MCUB: variants seen among roughly 807,000 people sequenced by gnomAD.
MCUB encodes the protein mitochondrial calcium uniporter dominant negative subunit beta.
A neutral mutation model predicts 41.4 loss-of-function variants in MCUB; 46 were observed. That is an observed-to-expected ratio of 1.11 (90% CI 0.88 to 1.42). MCUB has a LOEUF of 1.42. MCUB is among the 40% of genes most tolerant of loss of function. The pLI, the probability that MCUB is intolerant of heterozygous loss-of-function variation, is 0.00. For synonymous variants in MCUB, 148 were observed against 148.2 expected, an observed-to-expected ratio of 1.00 and a Z score of 0.01; for missense variants, 403 against 404.9, an observed-to-expected ratio of 1.00 and a Z score of 0.04.
intron 1 of MCUB, among the ~76,000 whole-genome samples, chr4:109,645,240 G>T (rs934115762): frequency 1.1e-4 from 16 of 152,112 alleles, no homozygotes; most frequent in South Asian, 4.2e-4. Flanking sequence ...AAATCAACTG[G>T]TAGAGGTTGT....
intron 1 of MCUB, among the ~76,000 whole-genome samples, chr4:109,575,058 A>G (rs1726996793): frequency 6.6e-6 from 1 of 152,222 alleles, no homozygotes; most frequent in Non-Finnish European, 1.5e-5. Context: ...CGCAGGTCAG[A>G]ATGGAAGCTG....
chr4:109,597,798 C>T (rs530158215), intron 1 of MCUB, among the ~76,000 whole-genome samples: 21 of 150,800 alleles, frequency 1.4e-4, no homozygotes, highest in Non-Finnish European at 2.4e-4. Flanking sequence ...ACTTCTCAGA[C>T]GGGGCAGCTG....
At chr4:109,573,663 A>G (rs1258498241) in intron 1 of MCUB, among the ~76,000 whole-genome samples, 1 of 152,080 alleles carries the variant, frequency 6.6e-6, no homozygotes, top group Non-Finnish European at 1.5e-5. Context: ...TTGAAGAGAA[A>G]TGCAGCATCT....
chr4:109,633,119 A>T (rs1728511621), intron 1 of MCUB, among the ~76,000 whole-genome samples: 1 of 152,258 alleles, frequency 6.6e-6, no homozygotes, highest in Admixed American at 6.5e-5. Context: ...AAGGGATCCA[A>T]AATGAAATGT....
At chr4:109,573,895 CAG>C (rs1726970650) in intron 1 of MCUB, among the ~76,000 whole-genome samples, 1 of 113,398 alleles carries the variant, frequency 8.8e-6, no homozygotes, top group African/African-American at 3.7e-5. Context: ...TTTTTTGAGA[CAG>C]AGTTTCGCTC....
intron 1 of MCUB, among the ~76,000 whole-genome samples, chr4:109,560,649 G>T (rs374649885): frequency 6.6e-6 from 1 of 152,198 alleles, no homozygotes; most frequent in Non-Finnish European, 1.5e-5. Context: ...TCCGGGCCCG[G>T]GGAAGGTGAA....
chr4:109,564,582 T>C (rs1726729506), intron 1 of MCUB, among the ~76,000 whole-genome samples: 1 of 152,242 alleles, frequency 6.6e-6, no homozygotes, highest in Admixed American at 6.5e-5. Flanking sequence ...TCATCAATAT[T>C]GTGAATCCTG....
chr4:109,685,459 A>C lies in MCUB; in HGVS notation c.933+92A>C, dbSNP rs975053885. 26 of 604,464 alleles carry C rather than the reference A, an allele frequency of 4.3e-5. No homozygotes were observed. The Admixed American group carries it at 6.6e-4, about 15-fold the overall frequency. The allele number at this position is 604,464 out of a possible 1,614,324, so 37.4% of individuals were successfully genotyped here. On this transcript the variant is annotated intron_variant, in intron 7 of 7. Transcript: ENST00000394650. ...ACTGGTGGCTCATCCTCACAAATTA[A>C]ATCTTGGTCCTAGATTTCTGTGTGT... is the stretch of plus-strand genomic sequence containing the variant.
At chr4:109,612,071 A>G (rs1728019383) in intron 1 of MCUB, among the ~76,000 whole-genome samples, 2 of 152,168 alleles carry the variant, frequency 1.3e-5, no homozygotes, top group Admixed American at 6.5e-5. Flanking sequence ...GTAACAAAAT[A>G]TAGATGGGGT....
intron 1 of MCUB, among the ~76,000 whole-genome samples, chr4:109,612,835 G>A (rs562010312): frequency 6.7e-4 from 102 of 152,222 alleles, no homozygotes; most frequent in Middle Eastern, 3.4e-3. Context: ...GGCCGGGTGC[G>A]GTGTCTCACG....
At chr4:109,600,867 T>C (rs1727715370) in intron 1 of MCUB, among the ~76,000 whole-genome samples, 1 of 152,158 alleles carries the variant, frequency 6.6e-6, no homozygotes, top group South Asian at 2.1e-4. Context: ...TAATCTCAGC[T>C]CACTGCAACC....
intron 1 of MCUB, among the ~76,000 whole-genome samples, chr4:109,605,892 A>C (rs1727858386): frequency 6.6e-6 from 1 of 151,414 alleles, no homozygotes; most frequent in Admixed American, 6.6e-5. Flanking sequence ...TCATCCCTTT[A>C]TTTTCAGTCT....
intron 1 of MCUB, among the ~76,000 whole-genome samples, chr4:109,603,850 G>A (rs968534187): frequency 6.6e-6 from 1 of 152,040 alleles, no homozygotes; most frequent in Admixed American, 6.5e-5. Context: ...GAAGTGAGGA[G>A]CCTCTCTGCC....
chr4:109,591,945 C>T (rs1727445942), intron 1 of MCUB, among the ~76,000 whole-genome samples: 1 of 152,120 alleles, frequency 6.6e-6, no homozygotes, highest in African/African-American at 2.4e-5. Context: ...GGTGATCCAC[C>T]TGCCTCAGCC....
chr4:109,666,880 A>C (rs1693769156), intron 4 of MCUB, among the ~76,000 whole-genome samples: 1 of 152,162 alleles, frequency 6.6e-6, no homozygotes, highest in Non-Finnish European at 1.5e-5. Flanking sequence ...GTCTGTTGAT[A>C]TGATGGATTA....
intron 1 of MCUB, among the ~76,000 whole-genome samples, chr4:109,579,848 A>G (rs1171350789): frequency 3.3e-5 from 5 of 152,208 alleles, no homozygotes; most frequent in Non-Finnish European, 5.9e-5. Flanking sequence ...GAGAAGAAAT[A>G]ATGAACCAAA....
At chr4:109,628,308 A>G (rs980691885) in intron 1 of MCUB, among the ~76,000 whole-genome samples, 1 of 152,240 alleles carries the variant, frequency 6.6e-6, no homozygotes, top group Non-Finnish European at 1.5e-5. Flanking sequence ...CGAAGGAAAG[A>G]GAAACAGAAG....
intron 1 of MCUB, among the ~76,000 whole-genome samples, chr4:109,617,637 T>C (rs1335353387): frequency 6.6e-6 from 1 of 152,222 alleles, no homozygotes; most frequent in East Asian, 1.9e-4. Flanking sequence ...TAATATTTTC[T>C]TGAAAGCAAT....
At chr4:109,588,413 A>G (rs1271608142) in intron 1 of MCUB, among the ~76,000 whole-genome samples, 2 of 152,148 alleles carry the variant, frequency 1.3e-5, no homozygotes, top group Non-Finnish European at 2.9e-5. Flanking sequence ...TGAGCTCGGT[A>G]TTTGAGTCAC....
Sources: allele counts gnomAD v4.1 joint callset (sites outside exome capture counted in the v4.1 genomes callset), GRCh38; gene constraint gnomAD v4.1.1; transcripts MANE v1.5; gene names NCBI Gene and HGNC (gene_info 2026-07-23, HGNC 2026-07-21).